ROBO2: variants seen among roughly 807,000 people sequenced by gnomAD.
The protein encoded by ROBO2 is roundabout homolog 2.
ROBO2 carries 53 observed loss-of-function variants against 160.8 expected under a neutral mutation model. The observed-to-expected ratio is 0.33, with a 90% CI of 0.26 to 0.41. The LOEUF (loss-of-function observed/expected upper bound fraction) is 0.41, where lower values mean the gene tolerates loss of function less well. Among genes scored for constraint, ROBO2 ranks in the 10% least tolerant of loss-of-function variants. The pLI is 1.00. For missense variants in ROBO2, 1,577 were observed against 1,722.4 expected, an observed-to-expected ratio of 0.92 and a Z score of 1.49; for synonymous variants, 664 against 611.7, an observed-to-expected ratio of 1.09 and a Z score of -1.26.
At chr3:77,383,535 C>T (rs900639027) in intron 2 of ROBO2, among the ~76,000 whole-genome samples, 56 of 152,090 alleles carry the variant, frequency 3.7e-4, no homozygotes, top group African/African-American at 1.3e-3. Flanking sequence ...ATTATTTATG[C>T]TGCTGATACT....
intron 2 of ROBO2, among the ~76,000 whole-genome samples, chr3:77,312,727 C>T (rs1181130068): frequency 2.0e-5 from 3 of 152,160 alleles, no homozygotes; most frequent in Non-Finnish European, 2.9e-5. Context: ...GAAGGGTACA[C>T]ATAGTTTGCA....
chr3:76,109,538 A>G (rs1389587153), intron 2 of ROBO2, among the ~76,000 whole-genome samples: 2 of 152,044 alleles, frequency 1.3e-5, no homozygotes, highest in Admixed American at 1.3e-4. Flanking sequence ...CTCCACACGT[A>G]ATCATTTACT....
Position 76,717,680 on chromosome 3 carries a change from G to A in ROBO2, c.110-380334G>A, listed in dbSNP as rs573244538. 2.0e-5 allele frequency among the ~76,000 whole-genome samples: 3 copies of A among 152,040 alleles called. No individual in the cohort carries two copies. In the East Asian group the frequency reaches 5.8e-4, roughly 29 times the overall value. On this transcript the variant is annotated intron_variant, in intron 2 of 26. Transcript: ENST00000487694. ...AATATGAACAATAGGTAAGAGTTTT[G>A]ATATTCTTCTGAAATCTGTGAACTC...
chr3:77,387,233 G>A (rs1328409535), intron 2 of ROBO2, among the ~76,000 whole-genome samples: 9 of 151,236 alleles, frequency 6.0e-5, no homozygotes, highest in South Asian at 2.1e-4. Context: ...GCAGACCACC[G>A]TAGCTCCTGC....
chr3:76,514,000 AAT>A (rs1409283373), intron 2 of ROBO2, among the ~76,000 whole-genome samples: 4 of 152,174 alleles, frequency 2.6e-5, no homozygotes, highest in African/African-American at 9.7e-5. Context: ...ATGTCTCATA[AAT>A]ATATGATTAG....
intron 2 of ROBO2, among the ~76,000 whole-genome samples, chr3:77,179,980 C>T (rs1205139786): frequency 6.6e-6 from 1 of 152,140 alleles, no homozygotes; most frequent in Non-Finnish European, 1.5e-5. Flanking sequence ...ATTGACTGAA[C>T]CCTGGGCTGT....
At chr3:77,636,975 G>T (rs2153718676) in intron 24 of ROBO2, among the ~76,000 whole-genome samples, 1 of 152,170 alleles carries the variant, frequency 6.6e-6, no homozygotes, top group East Asian at 1.9e-4. Flanking sequence ...TACAATGTCA[G>T]ATTGAAAGGT....
intron 2 of ROBO2, among the ~76,000 whole-genome samples, chr3:76,412,237 C>T (rs903976000): frequency 2.0e-5 from 3 of 152,144 alleles, no homozygotes; most frequent in East Asian, 1.9e-4. Flanking sequence ...CCCTGGGTCC[C>T]TCCCCCTGGG....
chr3:76,956,776 A>G (rs1283836836), intron 2 of ROBO2, among the ~76,000 whole-genome samples: 1 of 152,002 alleles, frequency 6.6e-6, no homozygotes, highest in Non-Finnish European at 1.5e-5. Flanking sequence ...TTAAAAATAC[A>G]AATCCCAGGG....
At chr3:76,507,761 T>C (rs1265460504) in intron 2 of ROBO2, among the ~76,000 whole-genome samples, 1 of 151,910 alleles carries the variant, frequency 6.6e-6, no homozygotes, top group African/African-American at 2.4e-5. Flanking sequence ...TCATGTACCA[T>C]ATACCAAGCA....
Position 76,002,452 on chromosome 3 carries a change from G to A in ROBO2, c.109+64850G>A, listed in dbSNP as rs147107872. Among the ~76,000 whole-genome samples the A allele has an allele frequency of 1.7e-3, 254 of 152,180 alleles. No individual in the cohort carries two copies. In the Middle Eastern group the frequency reaches 0.024, roughly 14 times the overall value. ...GTAACTCCCATGTGTTGTGGGATCC[G>A]GTGAGAGACTATTGAATCACGGGGG... On this transcript the variant is annotated intron_variant, in intron 2 of 26. Coordinates refer to the ROBO2 transcript ENST00000487694.
At chr3:76,359,857 TAG>T (rs2075401027) in intron 2 of ROBO2, among the ~76,000 whole-genome samples, 1 of 152,026 alleles carries the variant, frequency 6.6e-6, no homozygotes, top group Non-Finnish European at 1.5e-5. Flanking sequence ...CAGTATATTA[TAG>T]AGAGAACTCT....
chr3:77,467,307 T>C (rs987241881), intron 2 of ROBO2, among the ~76,000 whole-genome samples: 1 of 152,186 alleles, frequency 6.6e-6, no homozygotes, highest in East Asian at 1.9e-4. Flanking sequence ...ATTTAATTTT[T>C]GTTTTCTTTG....
At chr3:76,542,514 G>T (rs1030687431) in intron 2 of ROBO2, among the ~76,000 whole-genome samples, 2 of 152,074 alleles carry the variant, frequency 1.3e-5, no homozygotes, top group East Asian at 1.9e-4. Context: ...TTGATCTTAG[G>T]TATGGATGTT....
intron 2 of ROBO2, chr3:76,435,419 TGC>T (rs2076627861): frequency 1.7e-5 from 13 of 776,950 alleles, no homozygotes; most frequent in Non-Finnish European, 2.4e-6. Flanking sequence ...TGACAGAAAT[TGC>T]TGGATAGGCA....
At chr3:75,939,880 G>T (rs1470048304) in intron 2 of ROBO2, among the ~76,000 whole-genome samples, 1 of 151,914 alleles carries the variant, frequency 6.6e-6, no homozygotes, top group Admixed American at 6.6e-5. Flanking sequence ...GTCAAGAAAA[G>T]AATACATGAA....
intron 2 of ROBO2, among the ~76,000 whole-genome samples, chr3:76,947,488 A>T (rs1019031281): frequency 6.6e-6 from 1 of 152,062 alleles, no homozygotes; most frequent in Non-Finnish European, 1.5e-5. Flanking sequence ...TATTTAAGAG[A>T]TTTTTCCTCC....
At chr3:77,030,763 A>T (rs928108353) in intron 2 of ROBO2, among the ~76,000 whole-genome samples, 1 of 152,184 alleles carries the variant, frequency 6.6e-6, no homozygotes, top group African/African-American at 2.4e-5. Flanking sequence ...TTTGATAAGG[A>T]CACGAATCAC....
intron 2 of ROBO2, among the ~76,000 whole-genome samples, chr3:77,023,378 G>A (rs115799494): frequency 0.033 from 4,976 of 152,104 alleles, 267 homozygotes; most frequent in African/African-American, 0.11. Context: ...GCATGAAAAC[G>A]AACTAATACA....
Sources: gnomAD v4.1 joint callset for allele counts (sites outside exome capture counted in the v4.1 genomes callset) on GRCh38, gnomAD v4.1.1 for gene constraint, MANE v1.5 for transcripts, NCBI Gene and HGNC (gene_info 2026-07-23, HGNC 2026-07-21) for gene names.